PRKAG2: variants seen among roughly 807,000 people sequenced by gnomAD.
The protein encoded by PRKAG2 is 5'-AMP-activated protein kinase subunit gamma-2.
In PRKAG2, 26 loss-of-function variants were observed where a neutral mutation model predicts 69.6. The ratio of observed to expected loss-of-function variants is 0.37; its 90% confidence interval spans 0.27 to 0.52. The LOEUF (loss-of-function observed/expected upper bound fraction) is 0.52, where lower values mean the gene tolerates loss of function less well. Among genes scored for constraint, PRKAG2 ranks in the 20% least tolerant of loss-of-function variants. The probability of loss-of-function intolerance (pLI) is 0.90; values close to 1 mark genes in which losing one functional copy is unlikely to be tolerated. For missense variants in PRKAG2, 557 were observed against 740.0 expected, an observed-to-expected ratio of 0.75 and a Z score of 2.87; for synonymous variants, 293 against 285.0, an observed-to-expected ratio of 1.03 and a Z score of -0.28.
chr7:151,617,853 A>C (rs527682315), intron 5 of PRKAG2, among the ~76,000 whole-genome samples: 37 of 152,262 alleles, frequency 2.4e-4, no homozygotes, highest in African/African-American at 8.9e-4. Flanking sequence ...AATTCCACAA[A>C]AAATTATCAG....
rs181558797 is a variant in PRKAG2 at position 151,724,535 on chromosome 7, G to A, written c.467-48898C>T. Among the ~76,000 whole-genome samples, 549 of 152,268 alleles carry A rather than the reference G, an allele frequency of 3.6e-3. 1 individual carries two copies. Among genetic ancestry groups the A allele is most frequent in the African/African-American group, 0.012 (514 of 41,554 alleles). On this transcript the variant is annotated intron_variant, in intron 3 of 15. Coordinates refer to ENST00000287878, the MANE Select transcript of PRKAG2 (RefSeq NM_016203.4). The stretch of plus-strand genomic sequence containing the variant: ...AGCCCGAGGATGGGAACTTCTGCGC[G>A]GGCCCTTGGAGGGTAGAGCTGGTGC...
intron 3 of PRKAG2, among the ~76,000 whole-genome samples, chr7:151,750,333 A>G (rs2074582414): frequency 6.6e-6 from 1 of 152,184 alleles, no homozygotes; most frequent in Non-Finnish European, 1.5e-5. Context: ...TCTATTCACA[A>G]AAGGTGGAAA....
intron 4 of PRKAG2, among the ~76,000 whole-genome samples, chr7:151,660,996 C>T (rs1830223666): frequency 6.6e-6 from 1 of 152,202 alleles, no homozygotes; most frequent in Middle Eastern, 3.2e-3. Context: ...TGTAACCAAT[C>T]TCCAGAACTT....
In PRKAG2 at chr7:151,874,915, T is replaced by G. The variant is rs190116686; in HGVS notation, c.114+1592A>C. 5.5e-4 allele frequency among the ~76,000 whole-genome samples: 83 copies of G among 151,976 alleles called. 2 individuals are homozygous for G. In the East Asian group the frequency reaches 0.015, roughly 27 times the overall value. On this transcript the variant is annotated intron_variant, in intron 1 of 15. Coordinates refer to ENST00000287878, the MANE Select transcript of PRKAG2 (RefSeq NM_016203.4). ...AAACAAAAAAAACAATAAAAAAGAG[T>G]TTTCCCATGAATTACTTTATTTCAA... is the stretch of plus-strand genomic sequence containing the variant.
At chr7:151,620,227 T>C (rs1460915218) in intron 5 of PRKAG2, among the ~76,000 whole-genome samples, 2 of 152,156 alleles carry the variant, frequency 1.3e-5, no homozygotes, top group African/African-American at 4.8e-5. Context: ...AAGGAACATA[T>C]GTTGAATTTT....
chr7:151,741,342 G>A (rs192756634), intron 3 of PRKAG2, among the ~76,000 whole-genome samples: 23 of 152,246 alleles, frequency 1.5e-4, no homozygotes, highest in Non-Finnish European at 1.5e-5. Flanking sequence ...TTTTGTTTCA[G>A]CCAGTGTACT....
At chr7:151,559,862 G>A in intron 15 of PRKAG2, 12 of 985,140 alleles carry the variant, frequency 1.2e-5, no homozygotes, top group Non-Finnish European at 1.4e-5. Context: ...GGAGGGAAGG[G>A]AGGGCTGGCA....
intron 1 of PRKAG2, among the ~76,000 whole-genome samples, chr7:151,832,235 A>AGGAGGGAAGGAAGGGAGGAGGGAAGGAAG (rs1563737750): frequency 5.7e-5 from 6 of 105,882 alleles, no homozygotes; most frequent in African/African-American, 1.7e-4. Flanking sequence ...AGGGAAGGAG[A>AGGAGGGAAGGAAGGGAGGAGGGAAGGAAG]GGAGGAGGGA....
intron 5 of PRKAG2, among the ~76,000 whole-genome samples, chr7:151,628,858 G>T (rs1290796539): frequency 6.6e-6 from 1 of 152,178 alleles, no homozygotes; most frequent in Non-Finnish European, 1.5e-5. Context: ...GTGGTAGCAG[G>T]CACGGGGGAG....
intron 3 of PRKAG2, among the ~76,000 whole-genome samples, chr7:151,726,662 G>A (rs1174105843): frequency 6.6e-6 from 1 of 152,058 alleles, no homozygotes; most frequent in East Asian, 1.9e-4. Context: ...ACGCAGGCAC[G>A]GCTGCATCTC....
intron 1 of PRKAG2, among the ~76,000 whole-genome samples, chr7:151,818,849 G>A (rs2078705955): frequency 6.6e-6 from 1 of 152,222 alleles, no homozygotes; most frequent in Non-Finnish European, 1.5e-5. Flanking sequence ...AGACGGTGTG[G>A]CATTTTACTT....
At position 151,578,199 on chromosome 7, in the gene PRKAG2, G is replaced by T. The variant is rs537014229; in HGVS notation, c.865-1747C>A. On this transcript the variant is annotated intron_variant, in intron 6 of 15. Coordinates refer to ENST00000287878, the MANE Select transcript of PRKAG2 (RefSeq NM_016203.4). ...GTCTCCACTAAAAATACAAAAATTA[G>T]CTGGGCATGGTGGCGCACACCTGTA... is the stretch of plus-strand genomic sequence containing the variant. Among the ~76,000 whole-genome samples, 218 of 152,116 alleles carry T rather than the reference G, an allele frequency of 1.4e-3. 2 individuals carry two copies. Among genetic ancestry groups the T allele is most frequent in the Non-Finnish European group, 5.9e-5 (4 of 68,010 alleles).
At chr7:151,624,729 C>T (rs1458954084) in intron 5 of PRKAG2, among the ~76,000 whole-genome samples, 1 of 152,200 alleles carries the variant, frequency 6.6e-6, no homozygotes, top group African/African-American at 2.4e-5. Flanking sequence ...ATGTCACCCA[C>T]CGTCGGGTGG....
At position 151,803,520 on chromosome 7, in the gene PRKAG2, A is replaced by C. The variant is rs114562190; in HGVS notation, c.115-16979T>G. Among the ~76,000 whole-genome samples, 446 of 152,222 alleles carry C rather than the reference A, an allele frequency of 2.9e-3. 2 individuals are homozygous for C. Among genetic ancestry groups the C allele is most frequent in the African/African-American group, 0.01 (431 of 41,520 alleles). On this transcript the variant is annotated intron_variant, in intron 1 of 15. Transcript: ENST00000287878. ...TTTATATCCTACTCATTCTTCAAAA[A>C]CTAGCTGATTCCCACAAATTTACAC...
At chr7:151,628,504 G>A (rs1823577091) in intron 5 of PRKAG2, among the ~76,000 whole-genome samples, 1 of 152,286 alleles carries the variant, frequency 6.6e-6, no homozygotes, top group Admixed American at 6.5e-5. Context: ...CTTGAGCCCA[G>A]GAGTTTGAGA....
intron 5 of PRKAG2, among the ~76,000 whole-genome samples, chr7:151,616,606 T>TGGCAGGCTGGTCCCCGCCCTGC (rs1820202488): frequency 6.6e-6 from 1 of 152,226 alleles, no homozygotes; most frequent in African/African-American, 2.4e-5. Context: ...CACTGCCCCG[T>TGGCAGGCTGGTCCCCGCCCTGC]GGCAGGCTGG....
At chr7:151,573,980 T>C (rs1366200176) in intron 8 of PRKAG2, among the ~76,000 whole-genome samples, 2 of 152,022 alleles carry the variant, frequency 1.3e-5, no homozygotes, top group Non-Finnish European at 2.9e-5. Flanking sequence ...GGTTTCACTA[T>C]GTTGGCCAGG....
In PRKAG2 at chr7:151,688,048, C is replaced by CCCCCCG. The variant is rs755123330; in HGVS notation, c.467-12412_467-12411insCGGGGG. On this transcript the variant is annotated intron_variant, in intron 3 of 15. Coordinates refer to ENST00000287878, the MANE Select transcript of PRKAG2 (RefSeq NM_016203.4). ...AGGAGGAGGAGGAAATGAGGCCCCC[C>CCCCCCG]CCCGGGCTCCTTGCTGAGTCAGCAT... Among the ~76,000 whole-genome samples the CCCCCCG allele has an allele frequency of 2.5e-4, 36 of 143,892 alleles. 1 individual carries two copies. Among genetic ancestry groups the CCCCCCG allele is most frequent in the Non-Finnish European group, 4.1e-4 (26 of 64,142 alleles). 94.4% of individuals were successfully genotyped at this position (143,892 alleles called of 152,430 possible). A position where few individuals can be genotyped will look rare whatever the true frequency, so the allele number is the denominator to read the frequency against.
At chr7:151,676,851 G>A (rs925975580) in intron 3 of PRKAG2, among the ~76,000 whole-genome samples, 1 of 152,198 alleles carries the variant, frequency 6.6e-6, no homozygotes, top group African/African-American at 2.4e-5. Flanking sequence ...GAGGAAAAGA[G>A]ACACAGAAAC....
Sources: allele counts gnomAD v4.1 joint callset (sites outside exome capture counted in the v4.1 genomes callset), GRCh38; gene constraint gnomAD v4.1.1; transcripts MANE v1.5; gene names NCBI Gene and HGNC (gene_info 2026-07-23, HGNC 2026-07-21).